Variants in CDKL4 observed in about 807,000 individuals in gnomAD.
CDKL4 encodes the protein cyclin dependent kinase like 4.
Under a neutral mutation model 42.0 loss-of-function variants are expected in CDKL4, and 44 were observed. That is an observed-to-expected ratio of 1.05 (90% CI 0.82 to 1.35). CDKL4 has a LOEUF of 1.35. Among genes scored for constraint, CDKL4 ranks in the 40% most tolerant of loss-of-function variants. The pLI is 0.00. For missense variants in CDKL4, 393 were observed against 369.9 expected (o/e 1.06, Z -0.51); for synonymous variants, 120 against 121.6 (o/e 0.99, Z 0.09).
chr2:39,229,268 C>A (rs938016110), intron 2 of CDKL4, 97 bp downstream of exon 2: 7 of 889,010 alleles, frequency 7.9e-6, no homozygotes, highest in Non-Finnish European at 1.2e-5. Context: ...GAATTTAAGT[C>A]CAATGGGGGG....
At chr2:39,197,310 G>A (rs547084454) in intron 5 of CDKL4, among the ~76,000 whole-genome samples, 4 of 152,286 alleles carry the variant, frequency 2.6e-5, no homozygotes, top group African/African-American at 9.6e-5. Flanking sequence ...AATGAACAAA[G>A]CCTCCAAGAA....
At chr2:39,200,589 T>C (rs1421817329) in intron 5 of CDKL4, among the ~76,000 whole-genome samples, 2 of 152,144 alleles carry the variant, frequency 1.3e-5, no homozygotes, top group South Asian at 2.1e-4. Flanking sequence ...CTTCAAACTA[T>C]ACTATAAGGC....
intron 3 of CDKL4, among the ~76,000 whole-genome samples, chr2:39,216,508 T>C (rs918682034): frequency 1.6e-4 from 24 of 152,202 alleles, no homozygotes; most frequent in African/African-American, 3.1e-4. Context: ...GGAAGTGACA[T>C]AATATGGAGA....
downstream of CDKL4, among the ~76,000 whole-genome samples, chr2:39,174,601 T>C (rs1260336594): frequency 6.6e-6 from 1 of 152,214 alleles, no homozygotes; most frequent in Non-Finnish European, 1.5e-5. Context: ...GTGCTGGACA[T>C]AGAAAATTTC....
chr2:39,170,775 T>A (rs1201145635), downstream of CDKL4, among the ~76,000 whole-genome samples: 2 of 152,108 alleles, frequency 1.3e-5, no homozygotes, highest in East Asian at 3.8e-4. Context: ...TTAAGGATAT[T>A]AATGTTTGCA....
chr2:39,181,432 C>T (rs1675433028), intron 8 of CDKL4, among the ~76,000 whole-genome samples: 2 of 152,190 alleles, frequency 1.3e-5, no homozygotes, highest in African/African-American at 2.4e-5. Flanking sequence ...ATTTCCACAT[C>T]TACAATTCCA....
chr2:39,214,163 T>A (rs774343939), intron 3 of CDKL4, among the ~76,000 whole-genome samples: 11 of 152,200 alleles, frequency 7.2e-5, no homozygotes, highest in Non-Finnish European at 1.5e-4. Flanking sequence ...CCTCAGATGA[T>A]CCACCTGCCT....
intron 9 of CDKL4, among the ~76,000 whole-genome samples, chr2:39,176,654 G>T (rs1267357524): frequency 1.3e-5 from 2 of 152,050 alleles, no homozygotes; most frequent in African/African-American, 4.8e-5. Context: ...GGCTGGTCTT[G>T]AACTCCTGAC....
chr2:39,244,392 C>A (rs2148418320), upstream of CDKL4, among the ~76,000 whole-genome samples: 1 of 152,380 alleles, frequency 6.6e-6, no homozygotes, highest in African/African-American at 2.4e-5. Context: ...TCTGCCGACC[C>A]CGGGCAATGA....
At chr2:39,211,812 T>C (rs577554847) in intron 4 of CDKL4, among the ~76,000 whole-genome samples, 1 of 151,998 alleles carries the variant, frequency 6.6e-6, no homozygotes, top group South Asian at 2.1e-4. Context: ...CTGAGCCCAC[T>C]CATCAATTTT....
intron 5 of CDKL4, among the ~76,000 whole-genome samples, chr2:39,199,852 C>T (rs926530971): frequency 6.6e-6 from 1 of 152,070 alleles, no homozygotes; most frequent in Non-Finnish European, 1.5e-5. Flanking sequence ...GTAATAAAAA[C>T]CATTGATGAC....
At chr2:39,190,563 G>T in intron 5 of CDKL4, 61 bp from the exon 6 acceptor site, 2 of 1,404,630 alleles carry the variant, frequency 1.4e-6, no homozygotes, top group Non-Finnish European at 2.0e-6. Context: ...CTGCTCCCAA[G>T]AACACATCAG....
upstream of CDKL4, among the ~76,000 whole-genome samples, chr2:39,243,984 G>T (rs1174672811): frequency 2.0e-5 from 3 of 152,260 alleles, no homozygotes; most frequent in Non-Finnish European, 2.9e-5. Flanking sequence ...TTCGGAGCCA[G>T]CGGAACCGCC....
intron 4 of CDKL4, 31 bp from the exon 5 acceptor site, chr2:39,204,648 A>C (rs754354405): frequency 1.7e-6 from 2 of 1,205,658 alleles, no homozygotes; most frequent in Non-Finnish European, 2.4e-6. Flanking sequence ...TATTTTTCTG[A>C]ACCATCAAAA....
chr2:39,230,185 G>T (rs1336542912), intron 1 of CDKL4, among the ~76,000 whole-genome samples: 1 of 152,214 alleles, frequency 6.6e-6, no homozygotes, highest in Non-Finnish European at 1.5e-5. Flanking sequence ...TTCAAGACCA[G>T]CCTAACCAAT....
chr2:39,234,766 A>T (rs1679275345), intron 1 of CDKL4, among the ~76,000 whole-genome samples: 2 of 152,216 alleles, frequency 1.3e-5, no homozygotes, highest in Admixed American at 1.3e-4. Context: ...TATCAAGAGC[A>T]ATATACATTA....
At chr2:39,200,617 T>C (rs1167609354) in intron 5 of CDKL4, among the ~76,000 whole-genome samples, 1 of 152,036 alleles carries the variant, frequency 6.6e-6, no homozygotes, top group Non-Finnish European at 1.5e-5. Flanking sequence ...ATCAAAGCAG[T>C]ATGGTATTGG....
At chr2:39,214,708 T>G (rs1677808346) in intron 3 of CDKL4, among the ~76,000 whole-genome samples, 1 of 152,192 alleles carries the variant, frequency 6.6e-6, no homozygotes, top group African/African-American at 2.4e-5. Flanking sequence ...CTCTTCAATT[T>G]ATCTAATTCA....
chr2:39,235,554 G>T (rs955494676), intron 1 of CDKL4, among the ~76,000 whole-genome samples: 2 of 152,112 alleles, frequency 1.3e-5, no homozygotes, highest in African/African-American at 4.8e-5. Flanking sequence ...AGACCAGCCT[G>T]GGCAATACAG....
Sources: allele counts gnomAD v4.1 joint callset (sites outside exome capture counted in the v4.1 genomes callset), GRCh38; gene constraint gnomAD v4.1.1; transcripts MANE v1.5; gene names NCBI Gene and HGNC (gene_info 2026-07-23, HGNC 2026-07-21).